The following PRKN variants were observed in gnomAD, a reference collection of about 807,000 sequenced individuals.
PRKN encodes parkin RBR E3 ubiquitin protein ligase, also known as E3 ubiquitin-protein ligase parkin.
PRKN carries 56 observed loss-of-function variants against 59.5 expected under a neutral mutation model. The ratio of observed to expected loss-of-function variants is 0.94; its 90% confidence interval spans 0.76 to 1.18. The LOEUF (loss-of-function observed/expected upper bound fraction) is 1.18. Ranked by LOEUF, PRKN falls within the 50% of genes most tolerant of loss-of-function variation. The pLI is 0.00. For synonymous variants in PRKN, 250 were observed against 222.1 expected (o/e 1.13, Z -1.12); for missense variants, 657 against 596.4 (o/e 1.10, Z -1.06).
Position 162,338,047 on chromosome 6 carries a change from A to G in PRKN, c.172-75282T>C, listed in dbSNP as rs74876894. 2.4e-3 allele frequency among the ~76,000 whole-genome samples: 365 copies of G among 152,284 alleles called. 1 individual carries two copies. Among genetic ancestry groups the G allele is most frequent in the African/African-American group, 8.3e-3 (344 of 41,572 alleles). On this transcript the variant is annotated intron_variant, in intron 2 of 11. Coordinates refer to ENST00000366898, the MANE Select transcript of PRKN (RefSeq NM_004562.3). Reference sequence around the variant, plus strand: ...ACTTTCCGATAAGTTTGGAACATGCATAGAATGTAGAGATTTAACTTTGAT... The same window carrying G: ...ACTTTCCGATAAGTTTGGAACATGCGTAGAATGTAGAGATTTAACTTTGAT...
At chr6:162,284,770 C>G (rs1436499884) in intron 2 of PRKN, among the ~76,000 whole-genome samples, 3 of 152,160 alleles carry the variant, frequency 2.0e-5, no homozygotes, top group Non-Finnish European at 1.5e-5. Context: ...TCTAGTTAAT[C>G]AGTTACTATG....
At chr6:161,895,136 GA>G (rs1562371631) in intron 6 of PRKN, among the ~76,000 whole-genome samples, 1 of 152,158 alleles carries the variant, frequency 6.6e-6, no homozygotes. Context: ...GAATGAAAGA[GA>G]AATGGTAATG....
At chr6:161,660,347 G>A (rs1301893886) in intron 7 of PRKN, among the ~76,000 whole-genome samples, 1 of 152,142 alleles carries the variant, frequency 6.6e-6, no homozygotes, top group African/African-American at 2.4e-5. Flanking sequence ...CAAGGTTATT[G>A]CAATAACTCA....
At chr6:162,089,052 T>G (rs9456741) in intron 4 of PRKN, among the ~76,000 whole-genome samples, 66,447 of 151,926 alleles carry the variant, frequency 0.44, 14,728 homozygotes, top group Admixed American at 0.49. Flanking sequence ...AGACAACATA[T>G]ACACACTGAA....
chr6:161,873,938 T>A (rs1375493248), intron 6 of PRKN, among the ~76,000 whole-genome samples: 2 of 117,000 alleles, frequency 1.7e-5, no homozygotes, highest in Admixed American at 2.1e-4. Flanking sequence ...ATATAATATA[T>A]ATAAAAGAAA....
chr6:161,780,020 CA>C (rs1790137264), intron 7 of PRKN, among the ~76,000 whole-genome samples: 1 of 152,172 alleles, frequency 6.6e-6, no homozygotes, highest in Admixed American at 6.5e-5. Context: ...GCTTAAATCA[CA>C]ACCAAAATAA....
rs907329071 is a variant in PRKN, at chr6:161,385,893, G to A, written c.1167+901C>T. Among the ~76,000 whole-genome samples, 4 of 152,202 alleles carry A rather than the reference G, an allele frequency of 2.6e-5. No individual in the cohort carries two copies. The highest frequency in any genetic ancestry group is 9.7e-5 in the African/African-American group (4 of 41,446). On this transcript the variant is annotated intron_variant, in intron 10 of 11. Transcript: ENST00000366898. This position sits in a 1 kb window ranked among gnomAD's most constrained non-coding sequence, Gnocchi z 4.9. ...CATGGCTGGCAATTTAGGAGCAGAC[G>A]AGAAGACCCAAATTCACCAGTTCTA...
At chr6:162,702,007 T>C (rs1016198769) in intron 1 of PRKN, among the ~76,000 whole-genome samples, 3 of 151,834 alleles carry the variant, frequency 2.0e-5, no homozygotes, top group African/African-American at 7.2e-5. Flanking sequence ...TCAAATTAAA[T>C]CAAAATACAA....
At chr6:162,619,397 C>T (rs1026277761) in intron 1 of PRKN, among the ~76,000 whole-genome samples, 4 of 152,078 alleles carry the variant, frequency 2.6e-5, no homozygotes, top group East Asian at 3.9e-4. Context: ...CCGCCCGCCT[C>T]GGCCTCCCAA....
intron 1 of PRKN, among the ~76,000 whole-genome samples, chr6:162,556,684 T>C (rs1330685030): frequency 1.4e-5 from 2 of 145,766 alleles, no homozygotes. Context: ...GAAGCAGAGG[T>C]TGCTGTGAGC....
intron 9 of PRKN, among the ~76,000 whole-genome samples, chr6:161,455,329 G>A (rs1789918292): frequency 6.6e-6 from 1 of 152,024 alleles, no homozygotes; most frequent in South Asian, 2.1e-4. Context: ...GAGCCACCAC[G>A]CCCGGCCTGA....
chr6:162,173,252 T>C (rs1303922234), intron 4 of PRKN, among the ~76,000 whole-genome samples: 1 of 152,082 alleles, frequency 6.6e-6, no homozygotes, highest in Non-Finnish European at 1.5e-5. Flanking sequence ...ACTACAGTCA[T>C]TGCCCCCAGA....
At chr6:162,476,656 C>T (rs758380402) in intron 1 of PRKN, among the ~76,000 whole-genome samples, 2 of 152,100 alleles carry the variant, frequency 1.3e-5, no homozygotes, top group Non-Finnish European at 2.9e-5. Flanking sequence ...TGTGCAAGCT[C>T]GGTCTTGCCT....
At chr6:161,745,826 C>A (rs554602585) in intron 7 of PRKN, among the ~76,000 whole-genome samples, 33 of 152,324 alleles carry the variant, frequency 2.2e-4, no homozygotes, top group African/African-American at 7.9e-4. Context: ...CAATTAGACA[C>A]AAAGCATGAT....
chr6:161,991,266 A>C (rs1214742632), intron 5 of PRKN, among the ~76,000 whole-genome samples: 1 of 152,214 alleles, frequency 6.6e-6, no homozygotes, highest in East Asian at 1.9e-4. Context: ...TGGAAGGAAA[A>C]GGACAATATG....
chr6:162,603,844 T>C (rs1001151645), intron 1 of PRKN, among the ~76,000 whole-genome samples: 2 of 152,088 alleles, frequency 1.3e-5, no homozygotes, highest in African/African-American at 2.4e-5. Flanking sequence ...CGGAAGCTGA[T>C]TAAACTGTTA....
chr6:161,803,935 T>C (rs1278759601), intron 6 of PRKN, among the ~76,000 whole-genome samples: 1 of 152,116 alleles, frequency 6.6e-6, no homozygotes. Context: ...TGAAAGAAGA[T>C]GGAACCAAAG....
intron 7 of PRKN, among the ~76,000 whole-genome samples, chr6:161,628,637 G>C (rs894666436): frequency 6.6e-6 from 1 of 152,176 alleles, no homozygotes; most frequent in East Asian, 1.9e-4. Context: ...AGCCAAGAAG[G>C]CCACAAGCCA....
In PRKN at chr6:161,390,073, G is replaced by A. The variant is rs1480380958; in HGVS notation, c.1084-3196C>T. ...ACTGGCTAATTTGCTTCTATTCAAA[G>A]TATAATTTAAATTTAGATCTATCAT... is the stretch of plus-strand genomic sequence containing the variant. On this transcript the variant is annotated intron_variant, in intron 9 of 11. Transcript: ENST00000366898. The surrounding 1 kb of genome is among the most constrained non-coding windows in gnomAD (Gnocchi z 7.0). 1.3e-5 allele frequency among the ~76,000 whole-genome samples: 2 copies of A among 152,182 alleles called. No individual in the cohort carries two copies.
Sources: gnomAD v4.1 joint callset for allele counts (sites outside exome capture counted in the v4.1 genomes callset) on GRCh38, gnomAD v4.1.1 for gene constraint, Gnocchi (gnomAD v3.1) non-coding constraint, MANE v1.5 for transcripts, NCBI Gene and HGNC (gene_info 2026-07-23, HGNC 2026-07-21) for gene names.